CRX: variants seen among roughly 807,000 people sequenced by gnomAD.
CRX encodes cone-rod homeobox, also known as cone-rod homeobox protein.
In CRX, 5 loss-of-function variants were observed where a neutral mutation model predicts 13.1. The ratio of observed to expected loss-of-function variants is 0.38; its 90% CI spans 0.20 to 0.80. CRX has a LOEUF of 0.80. CRX is among the 30% of genes least tolerant of loss of function. The probability of loss-of-function intolerance (pLI) is 0.43; values close to 1 mark genes in which losing one functional copy is unlikely to be tolerated. For synonymous variants in CRX, 179 were observed against 171.1 expected, an observed-to-expected ratio of 1.05 and a Z score of -0.36; for missense variants, 351 against 391.8, an observed-to-expected ratio of 0.90 and a Z score of 0.88.
At chr19:47,833,308 G>A (rs568957630) in intron 1 of CRX, among the ~76,000 whole-genome samples, 15 of 150,370 alleles carry the variant, frequency 1.0e-4, no homozygotes, top group Middle Eastern at 3.4e-3. Flanking sequence ...TTGAGACAGA[G>A]TCTCGCTCTG....
chr19:47,832,806 C>T (rs1968069169), intron 1 of CRX, among the ~76,000 whole-genome samples: 1 of 151,272 alleles, frequency 6.6e-6, no homozygotes, highest in Admixed American at 6.6e-5. Context: ...ATTTTCATTC[C>T]CATTTTCCAA....
chr19:47,824,369 G>A (rs1323010203), intron 1 of CRX, among the ~76,000 whole-genome samples: 3 of 152,194 alleles, frequency 2.0e-5, no homozygotes, highest in Admixed American at 1.3e-4. Flanking sequence ...CACCGGCTCC[G>A]GGGCAGGTGC....
rs886054545 is a variant in CRX at position 47,836,247 on chromosome 19, C to A, written c.105C>A (p.Ala35=). The change falls in exon 3 of 4, where the codon GCC becomes GCA. Residue 35 remains alanine (A), a synonymous_variant. Coordinates refer to ENST00000221996, the MANE Select transcript of CRX (RefSeq NM_000554.6). ...LMHQAVPYPS[A]PRKQRRERTT... is the part of the protein sequence containing the mutation. ...CTGTTTCCCATCCCACCCCAGGCGC[C>A]CCCAGGAAGCAGCGGCGGGAGCGCA... 4 of 1,614,202 alleles carry A rather than the reference C, an allele frequency of 2.5e-6. No homozygotes were observed. Among genetic ancestry groups the A allele is most frequent in the South Asian group, 1.1e-5 (1 of 91,088 alleles).
Position 47,836,340 on chromosome 19 carries a change from C to T in CRX, c.198C>T (p.Val66=). The T allele has an allele frequency of 6.2e-7, 1 of 1,614,200 alleles. No individual in the cohort carries two copies. Among genetic ancestry groups the T allele is most frequent in the South Asian group, 1.1e-5 (1 of 91,092 alleles). Reference sequence around the variant, plus strand: ...TTGCCAAGACCCAGTACCCAGACGTCTATGCCCGTGAGGAGGTGGCTCTGA... The same window carrying T: ...TTGCCAAGACCCAGTACCCAGACGTTTATGCCCGTGAGGAGGTGGCTCTGA... ...ALFAKTQYPD[V]YAREEVALKI... Residue 66 remains valine (V), a synonymous_variant, in exon 3 of 4, where the codon GTC becomes GTT. Transcript: ENST00000221996.
intron 1 of CRX, 136 bp from the exon 2 acceptor site, chr19:47,834,273 G>A (rs908183295): frequency 6.6e-5 from 44 of 670,186 alleles, no homozygotes; most frequent in African/African-American, 4.6e-4. Context: ...AGGACACAGA[G>A]GTACAGAGAG....
At chr19:47,834,592 G>A (rs973888326) in intron 2 of CRX, 49 bp downstream of exon 2, 2 of 1,504,528 alleles carry the variant, frequency 1.3e-6, no homozygotes. Flanking sequence ...TCATCTCTTG[G>A]AGGACCTCTG....
intron 1 of CRX, among the ~76,000 whole-genome samples, chr19:47,823,306 G>C (rs1042062832): frequency 6.6e-6 from 1 of 152,230 alleles, no homozygotes; most frequent in Non-Finnish European, 1.5e-5. Flanking sequence ...CAGAGAGGAG[G>C]TGTGATGCGG....
Position 47,842,607 on chromosome 19 carries a change from C to A in CRX, c.*2640C>A, listed in dbSNP as rs984463253. 1 of 151,926 alleles carries A rather than the reference C, an allele frequency of 6.6e-6. No homozygotes were observed. The highest frequency in any genetic ancestry group is 1.5e-5 in the Non-Finnish European group (1 of 68,016). The allele number at this position is 151,926 out of a possible 1,614,324, so 9.4% of individuals were successfully genotyped here. ...CAATAATAACAACAACAAAAATAAC[C>A]CAGGAGTGGCTCAAGAGTCCAGTGT... On this transcript the variant is annotated 3_prime_UTR_variant, in exon 4 of 4. Transcript: ENST00000221996.
At chr19:47,828,612 A>AGTGTGTGTGTGTGTGTGTGTGTGTGTGT (rs113277135) in intron 1 of CRX, among the ~76,000 whole-genome samples, 2 of 149,506 alleles carry the variant, frequency 1.3e-5, no homozygotes, top group African/African-American at 5.0e-5. Context: ...GGAGGTAGGG[A>AGTGTGTGTGTGTGTGTGTGTGTGTGTGT]GCGTGTGTGT....
chr19:47,834,596 A>G, intron 2 of CRX, 53 bp downstream of exon 2: 2 of 1,457,790 alleles, frequency 1.4e-6, no homozygotes, highest in Admixed American at 3.5e-5. Flanking sequence ...CTCTTGGAGG[A>G]CCTCTGGGGT....
intron 3 of CRX, among the ~76,000 whole-genome samples, chr19:47,837,520 GATAA>G (rs1968132148): frequency 6.6e-6 from 1 of 152,194 alleles, no homozygotes; most frequent in African/African-American, 2.4e-5. Context: ...TGATTGGACT[GATAA>G]ATAAAATGTG....
chr19:47,840,083 G>T lies in CRX; in HGVS notation c.*116G>T. On this transcript the variant is annotated 3_prime_UTR_variant, in exon 4 of 4. Coordinates refer to ENST00000221996, the MANE Select transcript of CRX (RefSeq NM_000554.6). Reference sequence around the variant, plus strand: ...CCTGAGAAAGCAACCCGAACCAGCTGTCCTTCTGACAGCTCGGTGTTCAGC... The same window carrying T: ...CCTGAGAAAGCAACCCGAACCAGCTTTCCTTCTGACAGCTCGGTGTTCAGC... The T allele has an allele frequency of 1.6e-6, 2 of 1,268,092 alleles. No homozygotes were observed. The highest frequency in any genetic ancestry group is 2.2e-6 in the Non-Finnish European group (2 of 897,342). 78.6% of individuals were successfully genotyped at this position (1,268,092 alleles called of 1,614,324 possible).
intron 1 of CRX, among the ~76,000 whole-genome samples, chr19:47,828,726 G>T (rs1481674768): frequency 6.6e-6 from 1 of 151,700 alleles, no homozygotes; most frequent in Non-Finnish European, 1.5e-5. Flanking sequence ...GGGGCTTTGG[G>T]GTGGGGGAGA....
At chr19:47,833,809 A>G (rs59944703) in intron 1 of CRX, among the ~76,000 whole-genome samples, 36,253 of 151,712 alleles carry the variant, frequency 0.24, 4,598 homozygotes, top group Middle Eastern at 0.35. Context: ...AGGGTGTGTA[A>G]CAGGATCAGA....
At chr19:47,825,879 G>A (rs568615068) in intron 1 of CRX, among the ~76,000 whole-genome samples, 56 of 152,140 alleles carry the variant, frequency 3.7e-4, no homozygotes, top group African/African-American at 1.3e-3. Context: ...CCAAGATTGC[G>A]CCACTGCACT....
At chr19:47,825,138 C>T (rs954042591) in intron 1 of CRX, among the ~76,000 whole-genome samples, 3 of 151,676 alleles carry the variant, frequency 2.0e-5, no homozygotes, top group African/African-American at 7.3e-5. Flanking sequence ...CAACACCATG[C>T]CCGGCTAATT....
Position 47,824,730 on chromosome 19 carries a change from C to G in CRX, c.-36+2720C>G, listed in dbSNP as rs899914312. ...CTCACCTGTGGGAACAACTGCTCAG[C>G]TGGGAACCTGGGACCCAGTGAGTGC... On this transcript the variant is annotated intron_variant, in intron 1 of 3. Transcript: ENST00000221996. Among the ~76,000 whole-genome samples, 29 of 152,298 alleles carry G rather than the reference C, an allele frequency of 1.9e-4. No homozygotes were observed. In the East Asian group the frequency reaches 4.8e-3, roughly 25 times the overall value.
chr19:47,833,345 G>A (rs928060917), intron 1 of CRX, among the ~76,000 whole-genome samples: 1 of 151,456 alleles, frequency 6.6e-6, no homozygotes, highest in Admixed American at 6.6e-5. Context: ...GCGGTGGTGC[G>A]ATCTTGGCTC....
chr19:47,833,111 CT>C (rs375689042), intron 1 of CRX, among the ~76,000 whole-genome samples: 10 of 87,280 alleles, frequency 1.1e-4, no homozygotes, highest in African/African-American at 4.0e-4. Flanking sequence ...ATTTCTTTTT[CT>C]TTTTTTCAGA....
Sources: allele counts gnomAD v4.1 joint callset (sites outside exome capture counted in the v4.1 genomes callset), GRCh38; gene constraint gnomAD v4.1.1; transcripts MANE v1.5; gene names NCBI Gene and HGNC (gene_info 2026-07-23, HGNC 2026-07-21).